The following CCDC62 variants were observed in gnomAD, a reference collection of about 807,000 sequenced individuals.
CCDC62 encodes the protein coiled-coil domain containing 62, also known as coiled-coil domain-containing protein 62.
A neutral mutation model predicts 80.8 loss-of-function variants in CCDC62; 72 were observed. That is an observed-to-expected ratio of 0.89 (90% confidence interval 0.74 to 1.08). The LOEUF is 1.08. CCDC62 is among the 50% of genes least tolerant of loss of function. The pLI, the probability that CCDC62 is intolerant of heterozygous loss-of-function variation, is 0.00. For missense variants in CCDC62, 704 were observed against 809.4 expected (o/e 0.87, Z 1.58); for synonymous variants, 286 against 296.5 (o/e 0.96, Z 0.36).
intron 9 of CCDC62, among the ~76,000 whole-genome samples, chr12:122,802,993 G>A (rs2031395394): frequency 6.6e-6 from 1 of 152,156 alleles, no homozygotes; most frequent in Non-Finnish European, 1.5e-5. Flanking sequence ...TGGTGCCACT[G>A]CACTCCAGCC....
intron 11 of CCDC62, among the ~76,000 whole-genome samples, chr12:122,819,967 C>G (rs1244790701): frequency 7.2e-6 from 1 of 138,370 alleles, no homozygotes; most frequent in Non-Finnish European, 1.5e-5. Flanking sequence ...GAGGCTGGGA[C>G]AGGAGGATTG....
At chr12:122,782,687 A>T (rs1340431692) in intron 3 of CCDC62, among the ~76,000 whole-genome samples, 1 of 151,460 alleles carries the variant, frequency 6.6e-6, no homozygotes, top group Non-Finnish European at 1.5e-5. Context: ...CCAACGCCCG[A>T]CCTCAGGTGA....
chr12:122,802,867 A>G (rs2031389246), intron 9 of CCDC62, among the ~76,000 whole-genome samples: 1 of 152,052 alleles, frequency 6.6e-6, no homozygotes, highest in Admixed American at 6.6e-5. Flanking sequence ...TCTCTACAAA[A>G]AAAATTTTTT....
intron 10 of CCDC62, among the ~76,000 whole-genome samples, chr12:122,811,052 A>G (rs1341152791): frequency 1.6e-4 from 24 of 151,900 alleles, no homozygotes; most frequent in African/African-American, 5.8e-4. Flanking sequence ...GATAGCATTA[A>G]GAGATATACC....
Position 122,787,763 on chromosome 12 carries a change from AAG to A in CCDC62, c.499-994_499-993del, listed in dbSNP as rs1314259807. Among the ~76,000 whole-genome samples the A allele has an allele frequency of 2.0e-5, 3 of 151,998 alleles. No homozygotes were observed. The East Asian group carries it at 5.8e-4, about 29-fold the overall frequency. On this transcript the variant is annotated intron_variant, in intron 4 of 12. Transcript: ENST00000253079. ...AGACTTCATCTGGAAAAAAAAAAAAAAGGCTGTGTTTTCCTAGTCTTAGAGAT... is the reference window on the plus strand; with the variant it reads ...AGACTTCATCTGGAAAAAAAAAAAAAGCTGTGTTTTCCTAGTCTTAGAGAT...
chr12:122,784,059 C>T (rs190576559), intron 3 of CCDC62, among the ~76,000 whole-genome samples: 13 of 152,286 alleles, frequency 8.5e-5, no homozygotes, highest in African/African-American at 2.4e-4. Context: ...TTCATCCCTT[C>T]CTCCCCCTCA....
chr12:122,786,009 G>C (rs905596063), intron 4 of CCDC62, among the ~76,000 whole-genome samples, 189 bp downstream of exon 4: 2 of 152,196 alleles, frequency 1.3e-5, no homozygotes, highest in African/African-American at 4.8e-5. Flanking sequence ...GAAGAAAGGA[G>C]GCAGGACTCT....
At chr12:122,785,876 A>G (rs2030188878) in intron 4 of CCDC62, 56 bp downstream of exon 4, 5 of 1,166,312 alleles carry the variant, frequency 4.3e-6, no homozygotes, top group Non-Finnish European at 6.4e-6. Context: ...TTATATCCAT[A>G]TTCATTATCT....
intron 5 of CCDC62, among the ~76,000 whole-genome samples, chr12:122,791,069 A>G (rs2030572023): frequency 6.6e-6 from 1 of 152,120 alleles, no homozygotes; most frequent in Non-Finnish European, 1.5e-5. Context: ...ATGGATTTGG[A>G]TTTCATCCTC....
chr12:122,817,124 T>C (rs2032199767), intron 11 of CCDC62, among the ~76,000 whole-genome samples: 1 of 151,804 alleles, frequency 6.6e-6, no homozygotes, highest in African/African-American at 2.4e-5. Flanking sequence ...TGATCTTGGC[T>C]CACTGCAAGC....
Position 122,774,706 on chromosome 12 carries a change from G to C in CCDC62, c.36G>C (p.Gln12His). The change falls in exon 1 of 13, where the codon CAG becomes CAC. Residue 12 changes from glutamine (Q) to histidine (H), a missense_variant and splice_region_variant. Physicochemically the swap from Gln to His is conservative, Grantham distance 24. Coordinates refer to ENST00000253079, the MANE Select transcript of CCDC62 (RefSeq NM_201435.5). Reference protein sequence around the residue: ...NPPAAFLAGRQNIGSEVEIST... With the variant: ...NPPAAFLAGRHNIGSEVEIST... ...CGGCAGCCTTCCTTGCCGGGCGCCA[G>C]GTAAGCAGCGGTTCCGGGCGCGGCG... 1 of 1,255,416 alleles carries C rather than the reference G, an allele frequency of 8.0e-7. No individual in the cohort carries two copies. Among genetic ancestry groups the C allele is most frequent in the Non-Finnish European group, 1.0e-6 (1 of 991,022 alleles). The allele number at this position is 1,255,416 out of a possible 1,614,324, so 77.8% of individuals were successfully genotyped here. A position where few individuals can be genotyped will look rare whatever the true frequency, so the allele number is the denominator to read the frequency against.
At chr12:122,825,022 G>A (rs2032558612) in intron 12 of CCDC62, among the ~76,000 whole-genome samples, 1 of 151,050 alleles carries the variant, frequency 6.6e-6, no homozygotes, top group Non-Finnish European at 1.5e-5. Flanking sequence ...GGAGGCGGAG[G>A]TTGCAGTGAG....
At chr12:122,789,746 A>G (rs1179578364) in intron 5 of CCDC62, among the ~76,000 whole-genome samples, 1 of 152,038 alleles carries the variant, frequency 6.6e-6, no homozygotes, top group Non-Finnish European at 1.5e-5. Flanking sequence ...ATCTTTGCTG[A>G]TTTAACTTAA....
chr12:122,816,845 G>A (rs1202926055), intron 11 of CCDC62, among the ~76,000 whole-genome samples: 6 of 151,808 alleles, frequency 4.0e-5, no homozygotes, highest in Admixed American at 6.6e-5. Flanking sequence ...AGCCACTACC[G>A]CTATCTAATT....
chr12:122,812,423 C>T (rs1367264548), intron 10 of CCDC62, among the ~76,000 whole-genome samples: 2 of 118,220 alleles, frequency 1.7e-5, no homozygotes, highest in African/African-American at 6.3e-5. Flanking sequence ...GCCTAGGCAA[C>T]AAGAGCAAAA....
At chr12:122,812,805 A>AAGAAAGAAAG (rs1566086753) in intron 10 of CCDC62, among the ~76,000 whole-genome samples, 2 of 148,698 alleles carry the variant, frequency 1.3e-5, no homozygotes, top group African/African-American at 2.5e-5. Context: ...GAAAGAAAGA[A>AAGAAAGAAAG]AGAAAGAAAG....
At chr12:122,803,214 G>A (rs753100732) in intron 9 of CCDC62, among the ~76,000 whole-genome samples, 10 of 152,182 alleles carry the variant, frequency 6.6e-5, no homozygotes, top group African/African-American at 9.6e-5. Context: ...ATATCCGACC[G>A]TGCCTGCCTT....
At chr12:122,820,081 A>AAAAAG (rs1337324784) in intron 11 of CCDC62, among the ~76,000 whole-genome samples, 33 of 150,186 alleles carry the variant, frequency 2.2e-4, no homozygotes, top group African/African-American at 7.6e-4. Context: ...AAAAAAAAAA[A>AAAAAG]AAGAAGAAGA....
chr12:122,823,254 C>T lies in CCDC62; in HGVS notation c.2002-112C>T. On this transcript the variant is annotated intron_variant, in intron 11 of 12. Transcript: ENST00000253079. Reference sequence around the variant, plus strand: ...GGGATTATAGGCATGAGCCACCACGCCCAGCCTCATCTAACATCTCTTAAA... The same window carrying T: ...GGGATTATAGGCATGAGCCACCACGTCCAGCCTCATCTAACATCTCTTAAA... The T allele has an allele frequency of 6.2e-6, 5 of 800,082 alleles. No individual in the cohort carries two copies. In the South Asian group the frequency reaches 7.4e-5, roughly 12 times the overall value. 49.6% of individuals were successfully genotyped at this position (800,082 alleles called of 1,614,324 possible).
Sources: gnomAD v4.1 joint callset for allele counts (sites outside exome capture counted in the v4.1 genomes callset) on GRCh38, gnomAD v4.1.1 for gene constraint, MANE v1.5 for transcripts, NCBI Gene and HGNC (gene_info 2026-07-23, HGNC 2026-07-21) for gene names.